The following COL4A1 variants were observed in gnomAD, a reference collection of about 807,000 sequenced individuals.
COL4A1 encodes the protein collagen type IV alpha 1 chain.
Under a neutral mutation model 216.6 loss-of-function variants are expected in COL4A1, and 40 were observed. The observed-to-expected ratio is 0.18, with a 90% CI of 0.14 to 0.24. COL4A1 has a LOEUF of 0.24. COL4A1 is among the 10% of genes least tolerant of loss of function. The pLI is 1.00. For synonymous variants in COL4A1, 839 were observed against 810.7 expected, an observed-to-expected ratio of 1.03 and a Z score of -0.59; for missense variants, 1,628 against 2,196.8, an observed-to-expected ratio of 0.74 and a Z score of 5.18.
intron 2 of COL4A1, among the ~76,000 whole-genome samples, chr13:110,218,640 C>T (rs1310043856): frequency 6.6e-6 from 1 of 152,130 alleles, no homozygotes; most frequent in Non-Finnish European, 1.5e-5. Flanking sequence ...ATCCTAAAAA[C>T]TTTAAGAGGT....
At chr13:110,209,929 T>G in intron 10 of COL4A1, 51 bp downstream of exon 10, 1 of 1,566,070 alleles carries the variant, frequency 6.4e-7, no homozygotes, top group Non-Finnish European at 8.8e-7. Context: ...CAAACCTCAA[T>G]ATAGTTGTTT....
At chr13:110,229,686 C>G (rs1420803170) in intron 2 of COL4A1, among the ~76,000 whole-genome samples, 1 of 152,184 alleles carries the variant, frequency 6.6e-6, no homozygotes, top group East Asian at 1.9e-4. Flanking sequence ...CGCCCTCGCG[C>G]TGCCTATGAA....
At chr13:110,245,971 A>G (rs1002279747) in intron 1 of COL4A1, among the ~76,000 whole-genome samples, 3 of 152,114 alleles carry the variant, frequency 2.0e-5, no homozygotes, top group Non-Finnish European at 2.9e-5. Context: ...TTAATCCTGG[A>G]CCAAAAACAT....
At chr13:110,278,045 C>G (rs149651049) in intron 1 of COL4A1, among the ~76,000 whole-genome samples, 1 of 152,204 alleles carries the variant, frequency 6.6e-6, no homozygotes, top group Non-Finnish European at 1.5e-5. Context: ...TTATTTCCAG[C>G]CCCCTTCACT....
intron 1 of COL4A1, among the ~76,000 whole-genome samples, chr13:110,306,640 G>C (rs914186270): frequency 1.3e-5 from 2 of 152,204 alleles, no homozygotes; most frequent in African/African-American, 4.8e-5. Context: ...CGCGACGCGG[G>C]TTCAAATCCC....
At chr13:110,194,795 G>A (rs1878806742) in intron 22 of COL4A1, among the ~76,000 whole-genome samples, 1 of 152,152 alleles carries the variant, frequency 6.6e-6, no homozygotes, top group Non-Finnish European at 1.5e-5. Context: ...AAAGGGAGAA[G>A]GGGCAAAACT....
chr13:110,288,560 C>T (rs567511312), intron 1 of COL4A1, among the ~76,000 whole-genome samples: 1 of 152,240 alleles, frequency 6.6e-6, no homozygotes, highest in African/African-American at 2.4e-5. Flanking sequence ...ATTTTCTTTG[C>T]ACAGACAAAA....
chr13:110,226,408 G>A (rs78782926), intron 2 of COL4A1, among the ~76,000 whole-genome samples: 11 of 152,192 alleles, frequency 7.2e-5, no homozygotes, highest in South Asian at 4.1e-4. Flanking sequence ...GACATACACC[G>A]GTCTGAAATC....
At chr13:110,296,987 C>T (rs1289333478) in intron 1 of COL4A1, among the ~76,000 whole-genome samples, 1 of 152,196 alleles carries the variant, frequency 6.6e-6, no homozygotes, top group Non-Finnish European at 1.5e-5. Context: ...CCAGGGCATG[C>T]CACCTTCTAG....
rs1301668632 is a variant in COL4A1, at chr13:110,178,976, C to G, written c.2405G>C (p.Gly802Ala). 1 of 1,612,438 alleles carries G rather than the reference C, an allele frequency of 6.2e-7. No individual in the cohort carries two copies. The highest frequency in any genetic ancestry group is 1.1e-5 in the South Asian group (1 of 90,664). Residue 802 changes from glycine (G) to alanine (A), a missense_variant, in exon 31 of 52, where the codon GGC (glycine) becomes GCC (alanine). By Grantham distance (60) the Gly-to-Ala change is moderately conservative. Around this residue, in one of 8 missense-constraint regions of COL4A1, gnomAD observed 701 missense variants for 892.5 expected, o/e 0.79. Coordinates refer to ENST00000375820, the MANE Select transcript of COL4A1 (RefSeq NM_001845.6). ...SVGSPGVPGIGPPGARGPPGG... is the reference protein window; with the variant it reads ...SVGSPGVPGIAPPGARGPPGG... ...AGGGGGACCCCTAGCTCCAGGGGGG[C>G]CTATTCCTGGAACTCCTGGAGACCC...
In COL4A1 at chr13:110,211,699, TTTTG is replaced by T. The variant is rs752791749; in HGVS notation, c.442-30_442-27del. On this transcript the variant is annotated intron_variant, in intron 7 of 51. Coordinates refer to ENST00000375820, the MANE Select transcript of COL4A1 (RefSeq NM_001845.6). This position sits in a 1 kb window ranked among gnomAD's most constrained non-coding sequence, Gnocchi z 4.3. ...CTAAAAAAGAAAGTTTTGGTGTTAG[TTTTG>T]TTTTTCTCAAAATATCATTAGCATT... 3.7e-6 allele frequency: 6 copies of T among 1,607,922 alleles called. No individual in the cohort carries two copies. The highest frequency in any genetic ancestry group is 4.2e-6 in the Non-Finnish European group (5 of 1,177,276).
At chr13:110,295,239 T>C (rs958465423) in intron 1 of COL4A1, among the ~76,000 whole-genome samples, 5 of 151,202 alleles carry the variant, frequency 3.3e-5, no homozygotes, top group African/African-American at 9.7e-5. Context: ...GCTCTCACAC[T>C]ACATGGTTTT....
intron 1 of COL4A1, among the ~76,000 whole-genome samples, chr13:110,253,173 A>ATATG (rs1882260121): frequency 7.0e-6 from 1 of 142,312 alleles, no homozygotes. Flanking sequence ...ACATATAACT[A>ATATG]TATGTACGTA....
chr13:110,206,823 G>A, intron 14 of COL4A1, 42 bp downstream of exon 14: 1 of 1,612,818 alleles, frequency 6.2e-7, no homozygotes, highest in East Asian at 2.2e-5. Flanking sequence ...AAATCTTTAT[G>A]GTCTTTGACC....
At chr13:110,289,255 G>A (rs1883981309) in intron 1 of COL4A1, among the ~76,000 whole-genome samples, 1 of 152,186 alleles carries the variant, frequency 6.6e-6, no homozygotes, top group East Asian at 1.9e-4. Context: ...TGGAGGTAGA[G>A]GGCTGGAGTG....
At chr13:110,163,729 C>T (rs1366406839) in intron 46 of COL4A1, among the ~76,000 whole-genome samples, 168 bp from the exon 47 acceptor site, 5 of 152,104 alleles carry the variant, frequency 3.3e-5, no homozygotes. Flanking sequence ...AAGTCGAGTA[C>T]AGACTTTGCA....
chr13:110,155,088 G>A (rs1876711815), intron 50 of COL4A1, among the ~76,000 whole-genome samples, 195 bp downstream of exon 50: 1 of 152,232 alleles, frequency 6.6e-6, no homozygotes, highest in Non-Finnish European at 1.5e-5. Flanking sequence ...GGCTGGTGCT[G>A]GAGACCCCTG....
intron 49 of COL4A1, among the ~76,000 whole-genome samples, chr13:110,156,092 T>G (rs1268864866): frequency 6.6e-6 from 1 of 152,162 alleles, no homozygotes; most frequent in Non-Finnish European, 1.5e-5. Flanking sequence ...GTTTAAAAAA[T>G]AGATCCAACA....
chr13:110,289,779 G>C (rs1386934106), intron 1 of COL4A1, among the ~76,000 whole-genome samples: 1 of 152,164 alleles, frequency 6.6e-6, no homozygotes, highest in Non-Finnish European at 1.5e-5. Context: ...AGAAGAAATG[G>C]AACATGAGAT....
Sources: gnomAD v4.1 joint callset for allele counts (sites outside exome capture counted in the v4.1 genomes callset) on GRCh38, gnomAD v4.1.1 for gene constraint, gnomAD v4.1.1 regional missense constraint, Gnocchi (gnomAD v3.1) non-coding constraint, MANE v1.5 for transcripts, NCBI Gene and HGNC (gene_info 2026-07-23, HGNC 2026-07-21) for gene names.